The following EXD3 variants were observed in gnomAD, a reference collection of about 807,000 sequenced individuals.
The protein encoded by EXD3 is exonuclease 3'-5' domain containing 3, also known as exonuclease mut-7 homolog.
EXD3 carries 92 observed loss-of-function variants against 98.0 expected under a neutral mutation model. That is an observed-to-expected ratio of 0.94 (90% CI 0.79 to 1.12). The LOEUF is 1.12. Among genes scored for constraint, EXD3 ranks in the 50% most tolerant of loss-of-function variants. The pLI is 0.00. For synonymous variants in EXD3, 569 were observed against 526.0 expected (o/e 1.08, Z -1.12); for missense variants, 1,222 against 1,191.6 (o/e 1.03, Z -0.38).
chr9:137,387,098 C>T (rs1836639655), intron 2 of EXD3, among the ~76,000 whole-genome samples: 1 of 151,726 alleles, frequency 6.6e-6, no homozygotes, highest in Non-Finnish European at 1.5e-5. Flanking sequence ...CTGCCTGGCC[C>T]CCGGCCCCTA....
rs535136471 is a variant in EXD3 at position 137,405,958 on chromosome 9, G to C, written c.-47-10554C>G. The stretch of plus-strand genomic sequence containing the variant: ...AAACTGGCTGGGCACGGTGGCTCAC[G>C]CCTGTAATCCCAGCCTTGTGGGAGG... On this transcript the variant is annotated intron_variant, in intron 1 of 21. Coordinates refer to ENST00000340951, the MANE Select transcript of EXD3 (RefSeq NM_017820.5). This position sits in a 1 kb window ranked among gnomAD's most constrained non-coding sequence, Gnocchi z 4.1. Among the ~76,000 whole-genome samples, 1 of 152,190 alleles carries C rather than the reference G, an allele frequency of 6.6e-6. No homozygotes were observed.
At chr9:137,414,374 G>A (rs1465664597) in intron 1 of EXD3, among the ~76,000 whole-genome samples, 1 of 152,226 alleles carries the variant, frequency 6.6e-6, no homozygotes, top group African/African-American at 2.4e-5. Context: ...CATTCGGGCC[G>A]CACCCCCTTG....
In EXD3 at chr9:137,352,340, C is replaced by G. The variant is rs1834350101; in HGVS notation, c.1038-139G>C. On this transcript the variant is annotated intron_variant, in intron 11 of 21. Coordinates refer to ENST00000340951, the MANE Select transcript of EXD3 (RefSeq NM_017820.5). ...GCTCCTCCTCCCACACCGGCTCAGTCCAGCCCAGCGTGACCCTTGCTCCTG... is the reference window on the plus strand; with the variant it reads ...GCTCCTCCTCCCACACCGGCTCAGTGCAGCCCAGCGTGACCCTTGCTCCTG... The G allele has an allele frequency of 6.3e-6, 8 of 1,262,086 alleles. 1 individual carries two copies. The South Asian group carries it at 9.8e-5, about 16-fold the overall frequency. 78.2% of individuals were successfully genotyped at this position (1,262,086 alleles called of 1,614,324 possible).
At chr9:137,384,720 A>G (rs1836495248) in intron 2 of EXD3, among the ~76,000 whole-genome samples, 1 of 152,264 alleles carries the variant, frequency 6.6e-6, no homozygotes, top group Non-Finnish European at 1.5e-5. Context: ...TGAGAAAATC[A>G]GCAATAAACA....
rs1834039567 is a variant in EXD3, at chr9:137,348,241, G to A, written c.1831-3C>T. On this transcript the variant is annotated splice_polypyrimidine_tract_variant and splice_region_variant and intron_variant, in intron 16 of 21. Transcript: ENST00000340951. ...GACACAGCCACAGCCACAGGGACCTGCAGTGAGGCCCTGGTCAGCAGTCCC... is the reference window on the plus strand; with the variant it reads ...GACACAGCCACAGCCACAGGGACCTACAGTGAGGCCCTGGTCAGCAGTCCC... The A allele has an allele frequency of 1.2e-6, 2 of 1,610,250 alleles. No homozygotes were observed. The highest frequency in any genetic ancestry group is 1.7e-6 in the Non-Finnish European group (2 of 1,179,070).
intron 17 of EXD3, among the ~76,000 whole-genome samples, chr9:137,336,181 A>G (rs531480400): frequency 6.6e-6 from 1 of 152,292 alleles, no homozygotes; most frequent in Non-Finnish European, 1.5e-5. Context: ...AAGACGACAT[A>G]TTGGGTACAA....
In EXD3 at chr9:137,407,161, G is replaced by A. The variant is rs947530406; in HGVS notation, c.-47-11757C>T. Among the ~76,000 whole-genome samples the A allele has an allele frequency of 9.8e-5, 15 of 152,300 alleles. No individual in the cohort carries two copies. The highest frequency in any genetic ancestry group is 4.1e-4 in the South Asian group (2 of 4,824). Reference sequence around the variant, plus strand: ...GCCGCGCGTCCGGGCCGGTCTCTGGGCCCCTCTGCTGGTGGAACCCGGCAG... The same window carrying A: ...GCCGCGCGTCCGGGCCGGTCTCTGGACCCCTCTGCTGGTGGAACCCGGCAG... On this transcript the variant is annotated intron_variant, in intron 1 of 21. Coordinates refer to ENST00000340951, the MANE Select transcript of EXD3 (RefSeq NM_017820.5). This position sits in a 1 kb window ranked among gnomAD's most constrained non-coding sequence, Gnocchi z 4.4.
chr9:137,323,670 C>T, intron 19 of EXD3, 55 bp downstream of exon 19: 1 of 1,590,678 alleles, frequency 6.3e-7, no homozygotes, highest in East Asian at 2.2e-5. Flanking sequence ...CTGGACACCC[C>T]CGTAGCTCCA....
In EXD3 at chr9:137,333,186, C is replaced by T. The variant is rs148517867; in HGVS notation, c.1999-9043G>A. Reference sequence around the variant, plus strand: ...GACTCCAAGTTCCTCAGCTTTTGGACTCTTACACGTACACCAGCGGTTTGC... The same window carrying T: ...GACTCCAAGTTCCTCAGCTTTTGGATTCTTACACGTACACCAGCGGTTTGC... On this transcript the variant is annotated intron_variant, in intron 17 of 21. Coordinates refer to ENST00000340951, the MANE Select transcript of EXD3 (RefSeq NM_017820.5). 6.4e-3 allele frequency among the ~76,000 whole-genome samples: 972 copies of T among 152,276 alleles called. 4 individuals are homozygous for T. Among genetic ancestry groups the T allele is most frequent in the African/African-American group, 0.022 (909 of 41,558 alleles).
intron 7 of EXD3, among the ~76,000 whole-genome samples, chr9:137,363,207 T>C (rs1168890673): frequency 6.6e-6 from 1 of 152,114 alleles, no homozygotes; most frequent in Admixed American, 6.6e-5. Flanking sequence ...TGTTGGACTT[T>C]AGTTTTCCTT....
chr9:137,356,069 C>T (rs920750329), intron 8 of EXD3, among the ~76,000 whole-genome samples, 199 bp downstream of exon 8: 2 of 152,202 alleles, frequency 1.3e-5, no homozygotes, highest in Non-Finnish European at 2.9e-5. Context: ...CCGTTGGCTG[C>T]TCAGTCGCAG....
At chr9:137,330,682 G>A (rs1833026580) in intron 17 of EXD3, among the ~76,000 whole-genome samples, 1 of 151,812 alleles carries the variant, frequency 6.6e-6, no homozygotes, top group African/African-American at 2.4e-5. Flanking sequence ...GGGCAACAAT[G>A]GAGCCAAAAG....
At position 137,320,508 on chromosome 9, in the gene EXD3, C is replaced by T. The variant is rs546442719; in HGVS notation, c.2184+3217G>A. ...GGCCTGGCGCTCCTGCTTGCCACAG[C>T]AGGGGCAGCTTGGGGGTTGCAGGGT... On this transcript the variant is annotated intron_variant, in intron 19 of 21. Coordinates refer to ENST00000340951, the MANE Select transcript of EXD3 (RefSeq NM_017820.5). Among the ~76,000 whole-genome samples, 278 of 152,362 alleles carry T rather than the reference C, an allele frequency of 1.8e-3. 1 individual carries two copies. Among genetic ancestry groups the T allele is most frequent in the Non-Finnish European group, 3.2e-3 (218 of 68,030 alleles).
chr9:137,349,009 T>A lies in EXD3; in HGVS notation c.1830+101A>T. 1 of 1,378,390 alleles carries A rather than the reference T, an allele frequency of 7.3e-7. No homozygotes were observed. 85.4% of individuals were successfully genotyped at this position (1,378,390 alleles called of 1,614,324 possible). ...CAGGAGCTGGGCCCCCTCCACACGC[T>A]CTGACCCAGTGGCCTTGTCTCCATG... On this transcript the variant is annotated intron_variant, in intron 16 of 21. Transcript: ENST00000340951. This position sits in a 1 kb window ranked among gnomAD's most constrained non-coding sequence, Gnocchi z 7.4.
chr9:137,411,466 C>A (rs995901352), intron 1 of EXD3, among the ~76,000 whole-genome samples: 1 of 151,878 alleles, frequency 6.6e-6, no homozygotes. Flanking sequence ...GCGGGACCAA[C>A]AGGATGTGCA....
In EXD3 at chr9:137,382,985, G is replaced by A. The variant is rs551219724; in HGVS notation, c.120+328C>T. ...GCCACCCGGGCCTGGGTGCTCTGGC[G>A]GTGGCAGGACGGGGCCTCAGGCCTG... On this transcript the variant is annotated intron_variant, in intron 3 of 21. Coordinates refer to ENST00000340951, the MANE Select transcript of EXD3 (RefSeq NM_017820.5). 1.4e-4 allele frequency among the ~76,000 whole-genome samples: 22 copies of A among 152,340 alleles called. No homozygotes were observed. In the East Asian group the frequency reaches 3.1e-3, roughly 21 times the overall value.
At chr9:137,372,675 G>A (rs1401834331) in intron 5 of EXD3, among the ~76,000 whole-genome samples, 1 of 152,198 alleles carries the variant, frequency 6.6e-6, no homozygotes, top group Non-Finnish European at 1.5e-5. Flanking sequence ...ACCCAGGCCT[G>A]GGACCAGGCT....
At chr9:137,378,889 GTGACCGTTGCCTGGGGC>G in intron 3 of EXD3, among the ~76,000 whole-genome samples, 11 of 149,422 alleles carry the variant, frequency 7.4e-5, no homozygotes, top group African/African-American at 2.8e-4. Flanking sequence ...GTGGGTGACG[GTGACCGTTGCCTGGGGC>G]CGAGGGGAAT....
chr9:137,328,332 TACACTCATATGATGAGTAA>T (rs1401581582), intron 17 of EXD3, among the ~76,000 whole-genome samples: 87 of 149,252 alleles, frequency 5.8e-4, no homozygotes, highest in African/African-American at 1.7e-3. Context: ...ACAACTAATA[TACACTCATATGATGAGTAA>T]AAACAACGAA....
Sources: allele counts gnomAD v4.1 joint callset (sites outside exome capture counted in the v4.1 genomes callset), GRCh38; gene constraint gnomAD v4.1.1; non-coding constraint Gnocchi (gnomAD v3.1); transcripts MANE v1.5; gene names NCBI Gene and HGNC (gene_info 2026-07-23, HGNC 2026-07-21).